Variants in VWDE observed in about 807,000 individuals in gnomAD.
VWDE encodes the protein von Willebrand factor D and EGF domains, also known as von Willebrand factor D and EGF domain-containing protein.
Under a neutral mutation model 178.4 loss-of-function variants are expected in VWDE, and 207 were observed. The observed-to-expected ratio is 1.16, with a 90% CI of 1.04 to 1.30. The LOEUF (loss-of-function observed/expected upper bound fraction) is 1.30, where lower values mean the gene tolerates loss of function less well. Among genes scored for constraint, VWDE ranks in the 50% most tolerant of loss-of-function variants. VWDE has a pLI of 0.00. For synonymous variants in VWDE, 738 were observed against 651.4 expected (o/e 1.13, Z -2.02); for missense variants, 2,287 against 1,901.3 (o/e 1.20, Z -3.77).
rs114962555 is a variant in VWDE, at chr7:12,357,012, T to G, written c.3525+253A>C. ...TGGAGCTGAAGGAGTTCTTTATTCT[T>G]GTCATAGTGAAGTGCCAAATAAAAC... On this transcript the variant is annotated intron_variant, in intron 17 of 28. Coordinates refer to ENST00000275358, the MANE Select transcript of VWDE (RefSeq NM_001135924.3). Among the ~76,000 whole-genome samples the G allele has an allele frequency of 2.2e-3, 340 of 152,316 alleles. 1 individual carries two copies. Among genetic ancestry groups the G allele is most frequent in the African/African-American group, 7.6e-3 (315 of 41,574 alleles).
intron 1 of VWDE, among the ~76,000 whole-genome samples, chr7:12,401,579 A>G (rs1784895457): frequency 6.6e-6 from 1 of 152,172 alleles, no homozygotes; most frequent in South Asian, 2.1e-4. Flanking sequence ...ATGACAATCA[A>G]ACTACAATGA....
At position 12,343,086 on chromosome 7, in the gene VWDE, T is replaced by C. The variant is rs1464202079; in HGVS notation, c.4171A>G (p.Thr1391Ala). 1.3e-6 allele frequency: 2 copies of C among 1,548,372 alleles called. No homozygotes were observed. The highest frequency in any genetic ancestry group is 4.9e-5 in the East Asian group (2 of 40,814). ...PYGFVGPRCE[T>A]MVCNRHCENG... ...ACATCAGGAGAGCTTTGCTTACTTG[T>C]TTCACACCTTGGTCCTACAAAACCA... The change falls in exon 22 of 29, where the codon ACA becomes GCA. Residue 1391 changes from threonine (T) to alanine (A), a missense_variant. Coordinates refer to ENST00000275358, the MANE Select transcript of VWDE (RefSeq NM_001135924.3).
chr7:12,401,555 T>C (rs1784893588), intron 1 of VWDE, among the ~76,000 whole-genome samples: 1 of 152,186 alleles, frequency 6.6e-6, no homozygotes, highest in Non-Finnish European at 1.5e-5. Context: ...TTGACATCAT[T>C]AGCCATTAGG....
At chr7:12,336,327 A>G in intron 26 of VWDE, 91 bp from the exon 27 acceptor site, 2 of 1,076,204 alleles carry the variant, frequency 1.9e-6, no homozygotes, top group Non-Finnish European at 2.7e-6. Context: ...AGAGAAAAAA[A>G]GAAATAGTTA....
intron 17 of VWDE, 47 bp from the exon 18 acceptor site, chr7:12,356,377 T>C (rs1211232623): frequency 6.7e-7 from 1 of 1,483,158 alleles, no homozygotes; most frequent in Admixed American, 2.0e-5. Context: ...AATAAAATTA[T>C]CTTCAGTTTA....
At chr7:12,341,669 G>A (rs189623986) in intron 23 of VWDE, among the ~76,000 whole-genome samples, 1 of 151,734 alleles carries the variant, frequency 6.6e-6, no homozygotes, top group African/African-American at 2.4e-5. Context: ...ATAAATAAAT[G>A]GAATAACATG....
Position 12,379,552 on chromosome 7 carries a change from A to G in VWDE, c.804T>C (p.Ala268=). Residue 268 remains alanine (A), a synonymous_variant, in exon 6 of 29, where the codon GCT becomes GCC. Coordinates refer to ENST00000275358, the MANE Select transcript of VWDE (RefSeq NM_001135924.3). ...LRLGDRIFCS[A]SVFFLENPHV... is the part of the protein sequence containing the mutation. ...GAGGATTCTCCAAGAAAAAGACAGA[A>G]GCGCTGCAGAATATCTATGGATATA... 1 of 1,548,408 alleles carries G rather than the reference A, an allele frequency of 6.5e-7. No individual in the cohort carries two copies. Among genetic ancestry groups the G allele is most frequent in the Admixed American group, 2.0e-5 (1 of 50,562 alleles).
intron 13 of VWDE, among the ~76,000 whole-genome samples, chr7:12,363,684 G>C (rs1272331999): frequency 6.7e-6 from 1 of 148,854 alleles, no homozygotes; most frequent in African/African-American, 2.4e-5. Context: ...TGAAAAGAAG[G>C]AGTGATGGAA....
chr7:12,359,537 T>C (rs1346010948), intron 16 of VWDE, 41 bp downstream of exon 16: 1 of 1,355,172 alleles, frequency 7.4e-7, no homozygotes, highest in African/African-American at 1.5e-5. Context: ...TTTTAAAATG[T>C]CTTGTATAGG....
intron 1 of VWDE, among the ~76,000 whole-genome samples, chr7:12,400,016 A>G (rs1784827363): frequency 6.6e-6 from 1 of 152,168 alleles, no homozygotes; most frequent in South Asian, 2.1e-4. Context: ...AAAATACTTG[A>G]AGAAATGTTA....
chr7:12,374,876 T>C (rs1301945655), intron 8 of VWDE, 114 bp from the exon 9 acceptor site: 1 of 1,154,630 alleles, frequency 8.7e-7, no homozygotes, highest in African/African-American at 1.6e-5. Flanking sequence ...TTTATCATAG[T>C]TATTGAAAAT....
intron 7 of VWDE, among the ~76,000 whole-genome samples, chr7:12,377,159 G>A (rs1253927393): frequency 6.6e-6 from 1 of 152,044 alleles, no homozygotes; most frequent in African/African-American, 2.4e-5. Context: ...TGCTATGCAT[G>A]GTTTGTCCTC....
At position 12,373,336 on chromosome 7, in the gene VWDE, G is replaced by A. The variant is rs185095738; in HGVS notation, c.1317-89C>T. On this transcript the variant is annotated intron_variant, in intron 9 of 28. Transcript: ENST00000275358. ...GATTTGCAACAGCTTTATGTATCAC[G>A]ATCATTTTGTTGTATGCACTGAAGG... 3.8e-4 allele frequency: 523 copies of A among 1,362,472 alleles called. No homozygotes were observed. In the African/African-American group the frequency reaches 6.5e-3, roughly 17 times the overall value. The allele number at this position is 1,362,472 out of a possible 1,614,324, so 84.4% of individuals were successfully genotyped here. A position where few individuals can be genotyped will look rare whatever the true frequency, so the allele number is the denominator to read the frequency against.
chr7:12,403,764 G>A lies in VWDE; in HGVS notation c.-48C>T, dbSNP rs17166017. 209,158 of 1,544,928 alleles carry A rather than the reference G, an allele frequency of 0.14. 16,291 individuals carry two copies. Among genetic ancestry groups the A allele is most frequent in the African/African-American group, 0.35 (25,576 of 73,016 alleles). ...AAAGGCGTCGCAGAGCCCGGGCCGC[G>A]GGTGCCAGGAGGATGGGGCCACAGC... On this transcript the variant is annotated 5_prime_UTR_variant, in exon 1 of 29. Coordinates refer to ENST00000275358, the MANE Select transcript of VWDE (RefSeq NM_001135924.3).
intron 14 of VWDE, 52 bp downstream of exon 14, chr7:12,361,314 T>G: frequency 6.5e-6 from 10 of 1,537,334 alleles, no homozygotes; most frequent in Non-Finnish European, 8.8e-6. Flanking sequence ...CATTATGAAA[T>G]GTTAAGTATT....
At chr7:12,377,530 A>G (rs1415429746) in intron 7 of VWDE, 2 of 283,044 alleles carry the variant, frequency 7.1e-6, no homozygotes, top group African/African-American at 4.3e-5. Flanking sequence ...ATGATGACGA[A>G]GAGGAGATTA....
In VWDE at chr7:12,389,117, GT is replaced by G; in HGVS notation, c.475+9del. 1 of 1,510,024 alleles carries G rather than the reference GT, an allele frequency of 6.6e-7. No individual in the cohort carries two copies. The highest frequency in any genetic ancestry group is 9.0e-7 in the Non-Finnish European group (1 of 1,109,364). 93.5% of individuals were successfully genotyped at this position (1,510,024 alleles called of 1,614,324 possible). ...AATAACAGTCATGTGAATTACTGGT[GT>G]TTTCTTACCTTCCGCACAGTAGCCC... is the stretch of plus-strand genomic sequence containing the variant. On this transcript the variant is annotated intron_variant, in intron 3 of 28. Transcript: ENST00000275358.
intron 6 of VWDE, among the ~76,000 whole-genome samples, chr7:12,378,221 G>A (rs1022990099): frequency 1.3e-5 from 2 of 152,158 alleles, no homozygotes; most frequent in South Asian, 2.1e-4. Context: ...ACTGGAAAGC[G>A]AAGAAGAAAG....
chr7:12,341,808 G>C (rs1053914482), intron 23 of VWDE, among the ~76,000 whole-genome samples: 3 of 152,086 alleles, frequency 2.0e-5, no homozygotes, highest in Non-Finnish European at 4.4e-5. Flanking sequence ...AGGTGAATGA[G>C]GGAAATATAA....
Sources: allele counts gnomAD v4.1 joint callset (sites outside exome capture counted in the v4.1 genomes callset), GRCh38; gene constraint gnomAD v4.1.1; transcripts MANE v1.5; gene names NCBI Gene and HGNC (gene_info 2026-07-23, HGNC 2026-07-21).